Variants in GNAI1 observed in about 807,000 individuals in gnomAD.
GNAI1 encodes the protein guanine nucleotide-binding protein G(i) subunit alpha-1.
A neutral mutation model predicts 38.9 loss-of-function variants in GNAI1; 11 were observed. That is an observed-to-expected ratio of 0.28 (90% confidence interval 0.18 to 0.47). The LOEUF (loss-of-function observed/expected upper bound fraction) is 0.47, where lower values mean the gene tolerates loss of function less well. Ranked by LOEUF, GNAI1 falls within the 20% of genes least tolerant of loss-of-function variation. The pLI, the probability that GNAI1 is intolerant of heterozygous loss-of-function variation, is 0.99. For synonymous variants in GNAI1, 166 were observed against 145.1 expected, an observed-to-expected ratio of 1.14 and a Z score of -1.04; for missense variants, 317 against 436.9, an observed-to-expected ratio of 0.73 and a Z score of 2.45.
intron 7 of GNAI1, among the ~76,000 whole-genome samples, chr7:80,213,645 C>T (rs949116255): frequency 5.3e-5 from 8 of 152,120 alleles, no homozygotes; most frequent in Non-Finnish European, 1.5e-5. Context: ...CCCCTGCACC[C>T]ACCACCTTAT....
At chr7:80,136,444 CATTACT>C (rs1460733609) in intron 1 of GNAI1, among the ~76,000 whole-genome samples, 2 of 151,872 alleles carry the variant, frequency 1.3e-5, no homozygotes, top group African/African-American at 4.8e-5. Flanking sequence ...TTTTTTTCTC[CATTACT>C]AGTAGGCTTG....
intron 1 of GNAI1, among the ~76,000 whole-genome samples, chr7:80,171,313 A>T (rs1315885334): frequency 6.6e-6 from 1 of 151,914 alleles, no homozygotes; most frequent in South Asian, 2.1e-4. Context: ...TTCTTTGTAA[A>T]CTTTAGGTCT....
At chr7:80,213,594 T>C (rs1788908903) in intron 7 of GNAI1, among the ~76,000 whole-genome samples, 1 of 152,122 alleles carries the variant, frequency 6.6e-6, no homozygotes, top group African/African-American at 2.4e-5. Context: ...TGGGTTGCTG[T>C]TGAAGGCGGA....
At chr7:80,204,732 C>T (rs12155252) in intron 5 of GNAI1, among the ~76,000 whole-genome samples, 140,046 of 152,156 alleles carry the variant, frequency 0.92, 64,596 homozygotes, top group East Asian at 1. Context: ...CAAAATTACC[C>T]TTAAGTCTGT....
chr7:80,224,587 A>C lies in GNAI1; in HGVS notation c.*7094A>C, dbSNP rs1789129105. 2.0e-5 allele frequency among the ~76,000 whole-genome samples: 3 copies of C among 152,226 alleles called. No homozygotes were observed. Among genetic ancestry groups the C allele is most frequent in the Non-Finnish European group, 2.9e-5 (2 of 68,036 alleles). ...ATGTCCAACAGCATTGCCTGAACAG[A>C]TGTTAATAAGTATGCATGATGCACA... On this transcript the variant is annotated 3_prime_UTR_variant, in exon 8 of 8. Coordinates refer to ENST00000649796, the MANE Select transcript of GNAI1 (RefSeq NM_002069.6).
chr7:80,189,508 G>A (rs1276653130), intron 3 of GNAI1, among the ~76,000 whole-genome samples: 2 of 152,086 alleles, frequency 1.3e-5, no homozygotes, highest in African/African-American at 4.8e-5. Context: ...GCTGTGTTGG[G>A]TACCCCTGTA....
At chr7:80,180,418 C>G (rs1319451734) in intron 1 of GNAI1, among the ~76,000 whole-genome samples, 2 of 151,754 alleles carry the variant, frequency 1.3e-5, no homozygotes, top group Admixed American at 6.6e-5. Context: ...ATTGCACTTG[C>G]GATATGATTC....
chr7:80,141,956 C>T (rs1787534092), intron 1 of GNAI1, among the ~76,000 whole-genome samples: 1 of 152,158 alleles, frequency 6.6e-6, no homozygotes. Flanking sequence ...TCCAAGTCCT[C>T]ATCAGCAGCA....
Position 80,134,877 on chromosome 7 carries a change from G to T in GNAI1, c.-284G>T. On this transcript the variant is annotated 5_prime_UTR_variant, in exon 1 of 8. Transcript: ENST00000649796. ...GGCTGCGGCGCGGCCACCGGCGGGA[G>T]TGCAGCGGCCACTGTACCCAGAGAT... 1 of 265,942 alleles carries T rather than the reference G, an allele frequency of 3.8e-6. No homozygotes were observed. Among genetic ancestry groups the T allele is most frequent in the Non-Finnish European group, 7.0e-6 (1 of 141,852 alleles). The allele number at this position is 265,942 out of a possible 1,614,324, so 16.5% of individuals were successfully genotyped here.
intron 1 of GNAI1, among the ~76,000 whole-genome samples, chr7:80,186,380 C>A (rs1474462125): frequency 6.6e-6 from 1 of 152,098 alleles, no homozygotes; most frequent in Admixed American, 6.6e-5. Context: ...AACCACAAGC[C>A]ATTGACTGGA....
At chr7:80,143,904 A>G (rs1009403325) in intron 1 of GNAI1, among the ~76,000 whole-genome samples, 4 of 76,266 alleles carry the variant, frequency 5.2e-5, no homozygotes, top group Non-Finnish European at 6.4e-5. Flanking sequence ...CTTAGCAAGG[A>G]TGTGTGTGTG....
intron 3 of GNAI1, among the ~76,000 whole-genome samples, chr7:80,192,951 A>G (rs113773374): frequency 0.029 from 4,451 of 151,878 alleles, 119 homozygotes; most frequent in African/African-American, 0.077. Context: ...CACCTGCCTC[A>G]GCCTCCCAAA....
At chr7:80,142,652 T>A (rs577357324) in intron 1 of GNAI1, among the ~76,000 whole-genome samples, 6 of 152,340 alleles carry the variant, frequency 3.9e-5, no homozygotes, top group Admixed American at 6.5e-5. Context: ...AACATTAATT[T>A]TGACTAGTTT....
intron 1 of GNAI1, among the ~76,000 whole-genome samples, chr7:80,174,456 T>C (rs1391357473): frequency 8.1e-6 from 1 of 123,904 alleles, no homozygotes; most frequent in Non-Finnish European, 1.9e-5. Flanking sequence ...TCTTCTGCTG[T>C]TTTTTTTTTT....
At chr7:80,139,285 C>T (rs1016089762) in intron 1 of GNAI1, among the ~76,000 whole-genome samples, 1 of 152,114 alleles carries the variant, frequency 6.6e-6, no homozygotes. Context: ...TGCATCTTGT[C>T]TTTCCCTCTA....
intron 1 of GNAI1, among the ~76,000 whole-genome samples, chr7:80,165,362 T>A (rs1787995899): frequency 6.6e-6 from 1 of 152,226 alleles, no homozygotes; most frequent in African/African-American, 2.4e-5. Flanking sequence ...TGCATTAGAT[T>A]CACTTTTGTT....
intron 1 of GNAI1, among the ~76,000 whole-genome samples, chr7:80,188,458 A>G (rs780579720): frequency 1.6e-4 from 24 of 152,344 alleles, no homozygotes; most frequent in Middle Eastern, 6.8e-3. Flanking sequence ...GACTTTAAGT[A>G]TATGAAATAA....
At chr7:80,187,947 T>A (rs1049201606) in intron 1 of GNAI1, among the ~76,000 whole-genome samples, 10 of 152,154 alleles carry the variant, frequency 6.6e-5, no homozygotes, top group Non-Finnish European at 1.0e-4. Flanking sequence ...CTTAGTAGTA[T>A]TTTCATGTTA....
chr7:80,153,720 G>T (rs1443995255), intron 1 of GNAI1, among the ~76,000 whole-genome samples: 2 of 151,966 alleles, frequency 1.3e-5, no homozygotes, highest in Admixed American at 1.3e-4. Flanking sequence ...TCAAGAAGGA[G>T]AAAATAAATT....
Sources: allele counts gnomAD v4.1 joint callset (sites outside exome capture counted in the v4.1 genomes callset), GRCh38; gene constraint gnomAD v4.1.1; transcripts MANE v1.5; gene names NCBI Gene and HGNC (gene_info 2026-07-23, HGNC 2026-07-21).